REPS2: variants seen among roughly 807,000 people sequenced by gnomAD.
REPS2 encodes RALBP1 associated Eps domain containing 2, also known as ralBP1-associated Eps domain-containing protein 2.
A neutral mutation model predicts 53.6 loss-of-function variants in REPS2; 23 were observed. The ratio of observed to expected loss-of-function variants is 0.43; its 90% CI spans 0.31 to 0.61. The LOEUF (loss-of-function observed/expected upper bound fraction) is 0.61. REPS2 is among the 20% of genes least tolerant of loss of function. REPS2 has a pLI of 0.11. For missense variants in REPS2, 446 were observed against 534.9 expected, an observed-to-expected ratio of 0.83 and a Z score of 1.64; for synonymous variants, 238 against 218.6, an observed-to-expected ratio of 1.09 and a Z score of -0.78.
chrX:17,086,006 G>A (rs1332392553), intron 13 of REPS2, among the ~76,000 whole-genome samples: 1 of 111,343 alleles, frequency 9.0e-6, no homozygotes, highest in South Asian at 3.7e-4. Context: ...TTCAATCGAG[G>A]GCTACATGCA....
intron 5 of REPS2, among the ~76,000 whole-genome samples, chrX:17,042,292 A>G (rs922365427): frequency 1.8e-5 from 2 of 111,779 alleles, no homozygotes; most frequent in Non-Finnish European, 3.8e-5. Flanking sequence ...GCAAAAGTGG[A>G]GCTTTTCCTG....
intron 13 of REPS2, among the ~76,000 whole-genome samples, chrX:17,097,831 T>C (rs768086018): frequency 8.9e-6 from 1 of 111,957 alleles, no homozygotes; most frequent in East Asian, 2.8e-4. Flanking sequence ...TAGAAAAATA[T>C]CATTTATCAG....
chrX:17,093,202 T>TATATATATAA (rs56940345), intron 13 of REPS2, among the ~76,000 whole-genome samples: 347 of 13,055 alleles, frequency 0.027, 3 homozygotes, highest in Middle Eastern at 0.04. Context: ...ATATATATAA[T>TATATATATAA]TTTTTTTTTG....
At chrX:16,971,799 T>A (rs1315871861) in intron 1 of REPS2, among the ~76,000 whole-genome samples, 4 of 112,414 alleles carry the variant, frequency 3.6e-5, no homozygotes, top group Non-Finnish European at 3.8e-5. Flanking sequence ...ATGAATTGTT[T>A]TGGAACCCTT....
chrX:17,100,180 T>A, intron 13 of REPS2: 2 of 620,658 alleles, frequency 3.2e-6, no homozygotes, highest in Admixed American at 4.6e-5. Context: ...TGTCCTCATC[T>A]GAGAATCCCT....
At chrX:17,015,874 A>C (rs1569127362) in intron 2 of REPS2, among the ~76,000 whole-genome samples, 2 of 111,940 alleles carry the variant, frequency 1.8e-5, no homozygotes, top group Admixed American at 9.5e-5. Flanking sequence ...ATAAACACAC[A>C]TGTGCATGTG....
At chrX:17,095,707 A>T (rs766849575) in intron 13 of REPS2, among the ~76,000 whole-genome samples, 2 of 111,414 alleles carry the variant, frequency 1.8e-5, no homozygotes, top group South Asian at 7.7e-4. Context: ...CATGAAGAAT[A>T]GCTAGAACCA....
chrX:16,956,284 GTTTTTTTTTTTTTTTT>G (rs869259012), intron 1 of REPS2, among the ~76,000 whole-genome samples: 71 of 24,759 alleles, frequency 2.9e-3, no homozygotes, highest in African/African-American at 0.013. Context: ...AACCACAGCA[GTTTTTTTTTTTTTTTT>G]TTTTTTTTTT....
chrX:17,048,108 G>T (rs897640886), intron 6 of REPS2, among the ~76,000 whole-genome samples: 3 of 112,579 alleles, frequency 2.7e-5, no homozygotes, highest in Non-Finnish European at 3.7e-5. Flanking sequence ...GACTAACAGT[G>T]AAATAGTAGA....
At chrX:16,961,273 C>T (rs770181736) in intron 1 of REPS2, among the ~76,000 whole-genome samples, 1 of 111,261 alleles carries the variant, frequency 9.0e-6, no homozygotes, top group African/African-American at 3.3e-5. Context: ...TAGAATAGAA[C>T]AGAGATCCGA....
chrX:16,990,609 T>C (rs1258907048), intron 1 of REPS2, among the ~76,000 whole-genome samples: 3 of 102,022 alleles, frequency 2.9e-5, no homozygotes, highest in African/African-American at 1.1e-4. Flanking sequence ...GACTCTGTCT[T>C]AGGAAAAAAA....
Position 17,133,850 on chromosome X carries a change from A to T in REPS2, c.1605A>T (p.Leu535Phe). Residue 535 changes from leucine (L) to phenylalanine (F), a missense_variant, in exon 15 of 18, where the codon TTA becomes TTT. Physicochemically the swap from Leu to Phe is conservative, Grantham distance 22 (BLOSUM62 0). Transcript: ENST00000357277. ...SQSEQVSEAELLPQLSRAPSQ... is the reference protein window; with the variant it reads ...SQSEQVSEAEFLPQLSRAPSQ... Reference sequence around the variant, plus strand: ...CTGAACAAGTGTCGGAGGCCGAGTTACTCCCACAGCTGAGCAGAGCCCCAT... The same window carrying T: ...CTGAACAAGTGTCGGAGGCCGAGTTTCTCCCACAGCTGAGCAGAGCCCCAT... The T allele has an allele frequency of 8.3e-7, 1 of 1,210,688 alleles. No homozygotes were observed. The highest frequency in any genetic ancestry group is 1.1e-6 in the Non-Finnish European group (1 of 894,855).
the REPS2 span, among the ~76,000 whole-genome samples, chrX:17,165,195 C>T: frequency 1.8e-5 from 2 of 112,163 alleles, no homozygotes; most frequent in East Asian, 2.8e-4. Flanking sequence ...CCCTGATTCA[C>T]TCCATGGATC....
chrX:17,156,148 A>C (rs2063613004), downstream of REPS2, among the ~76,000 whole-genome samples: 1 of 111,521 alleles, frequency 9.0e-6, no homozygotes, highest in Admixed American at 9.6e-5. Flanking sequence ...GTGTGAACAA[A>C]AGTATTTCCA....
chrX:17,189,968 T>G, the REPS2 span, among the ~76,000 whole-genome samples: 1 of 112,401 alleles, frequency 8.9e-6, no homozygotes, highest in South Asian at 3.7e-4. Context: ...AAGAGATATT[T>G]GTTGTTCAAA....
At chrX:16,977,173 G>GGACACCTTTACTT (rs1486389158) in intron 1 of REPS2, among the ~76,000 whole-genome samples, 5 of 111,250 alleles carry the variant, frequency 4.5e-5, no homozygotes, top group Non-Finnish European at 7.5e-5. Flanking sequence ...CTTGCTCTTG[G>GGACACCTTTACTT]GACACCTTTA....
At chrX:17,144,483 G>A (rs1053999868) in intron 17 of REPS2, among the ~76,000 whole-genome samples, 1 of 112,555 alleles carries the variant, frequency 8.9e-6, no homozygotes, top group African/African-American at 3.2e-5. Flanking sequence ...GTAAAATCAA[G>A]TTGGTTCTTA....
At chrX:17,060,243 C>T (rs1308579890) in intron 8 of REPS2, among the ~76,000 whole-genome samples, 2 of 110,652 alleles carry the variant, frequency 1.8e-5, no homozygotes, top group Non-Finnish European at 3.8e-5. Context: ...GCAGAGGTTG[C>T]AGTGAGCCGA....
chrX:17,063,289 A>G (rs1395429972), intron 9 of REPS2, among the ~76,000 whole-genome samples: 2 of 112,159 alleles, frequency 1.8e-5, no homozygotes. Context: ...CACAGACTCC[A>G]TAATAGTCAG....
Sources: gnomAD v4.1 joint callset for allele counts (sites outside exome capture counted in the v4.1 genomes callset) on GRCh38, gnomAD v4.1.1 for gene constraint, MANE v1.5 for transcripts, NCBI Gene and HGNC (gene_info 2026-07-23, HGNC 2026-07-21) for gene names.